Variants in SH2D3C observed in about 807,000 individuals in gnomAD.
The protein encoded by SH2D3C is SH2 domain containing 3C, also known as SH2 domain-containing protein 3C.
In SH2D3C, 25 loss-of-function variants were observed where a neutral mutation model predicts 75.2. The observed-to-expected ratio is 0.33, with a 90% confidence interval of 0.24 to 0.46. SH2D3C has a LOEUF of 0.46. Ranked by LOEUF, SH2D3C falls within the 20% of genes least tolerant of loss-of-function variation. The pLI is 1.00. For synonymous variants in SH2D3C, 450 were observed against 473.7 expected (o/e 0.95, Z 0.65); for missense variants, 933 against 1,165.3 (o/e 0.80, Z 2.90).
intron 3 of SH2D3C, among the ~76,000 whole-genome samples, chr9:127,752,879 G>A (rs1296170632): frequency 3.3e-5 from 5 of 152,146 alleles, no homozygotes; most frequent in Non-Finnish European, 5.9e-5. Context: ...ACTAGTCAGG[G>A]GGCAGAGTCA....
intron 9 of SH2D3C, among the ~76,000 whole-genome samples, 153 bp downstream of exon 9, chr9:127,741,635 G>A (rs1376379107): frequency 1.3e-5 from 2 of 151,900 alleles, no homozygotes; most frequent in Admixed American, 1.3e-4. Flanking sequence ...GCTGTGGGTC[G>A]GCACTTGCAG....
At chr9:127,762,280 C>T in intron 2 of SH2D3C, 9 of 1,257,674 alleles carry the variant, frequency 7.2e-6, no homozygotes, top group Non-Finnish European at 9.3e-6. Flanking sequence ...TCCTTCCTTC[C>T]TCCTGAGGGC....
intron 2 of SH2D3C, chr9:127,767,261 A>G: frequency 6.8e-7 from 1 of 1,460,526 alleles, no homozygotes; most frequent in Non-Finnish European, 9.0e-7. Flanking sequence ...CTGCCACCCA[A>G]GTCTCAAAAC....
In SH2D3C at chr9:127,751,785, G is replaced by C. The variant is rs1438813904; in HGVS notation, c.556-485C>G. Among the ~76,000 whole-genome samples the C allele has an allele frequency of 6.6e-6, 1 of 152,212 alleles. No homozygotes were observed. The highest frequency in any genetic ancestry group is 1.5e-5 in the Non-Finnish European group (1 of 68,026). On this transcript the variant is annotated intron_variant, in intron 3 of 11. Coordinates refer to ENST00000314830, the MANE Select transcript of SH2D3C (RefSeq NM_170600.3). The surrounding 1 kb of genome is among the most constrained non-coding windows in gnomAD (Gnocchi z 4.1). Reference sequence around the variant, plus strand: ...CCAAACTGTTCTTGAAGTGTTGGAGGGGGATTTCTACAGGTGAATCTTGGA... The same window carrying C: ...CCAAACTGTTCTTGAAGTGTTGGAGCGGGATTTCTACAGGTGAATCTTGGA...
At position 127,741,831 on chromosome 9, in the gene SH2D3C, A is replaced by G; in HGVS notation, c.2045T>C (p.Met682Thr). The G allele has an allele frequency of 2.5e-6, 4 of 1,613,368 alleles. No individual in the cohort carries two copies. Among genetic ancestry groups the G allele is most frequent in the Non-Finnish European group, 3.4e-6 (4 of 1,180,018 alleles). Residue 682 changes from methionine (M) to threonine (T), a missense_variant, in exon 9 of 12, where the codon ATG becomes ACG. Coordinates refer to ENST00000314830, the MANE Select transcript of SH2D3C (RefSeq NM_170600.3). ...AAELRGTMGN[M>T]FSFAAVMGAL... is the part of the protein sequence containing the mutation. ...ACCCATGACCGCCGCGAAGCTGAAC[A>G]TGTTGCCCATAGTCCCCCGCAGCTC... is the stretch of plus-strand genomic sequence containing the variant.
chr9:127,753,653 T>C (rs1409055333), intron 3 of SH2D3C, among the ~76,000 whole-genome samples: 1 of 148,884 alleles, frequency 6.7e-6, no homozygotes, highest in African/African-American at 2.4e-5. Context: ...CCCTGGTCTC[T>C]CTCCCTCTCA....
rs913620416 is a variant in SH2D3C, at chr9:127,749,982, C to G, written c.685-317G>C. Among the ~76,000 whole-genome samples, 4 of 152,056 alleles carry G rather than the reference C, an allele frequency of 2.6e-5. No homozygotes were observed. Among genetic ancestry groups the G allele is most frequent in the Non-Finnish European group, 4.4e-5 (3 of 68,008 alleles). On this transcript the variant is annotated intron_variant, in intron 4 of 11. Transcript: ENST00000314830. The surrounding 1 kb of genome is among the most constrained non-coding windows in gnomAD (Gnocchi z 5.9). ...TGGCTGTGACCTGAGACCCAGGTCT[C>G]AGACCCATCCCTTCTCAGGGTTCCG...
intron 3 of SH2D3C, among the ~76,000 whole-genome samples, chr9:127,756,620 T>C (rs899760289): frequency 6.6e-6 from 1 of 150,636 alleles, no homozygotes; most frequent in Admixed American, 6.6e-5. Flanking sequence ...CAAAGATGAG[T>C]ATCTCAAGGT....
intron 2 of SH2D3C, among the ~76,000 whole-genome samples, chr9:127,764,445 T>G (rs1564423032): frequency 6.6e-6 from 1 of 152,138 alleles, no homozygotes; most frequent in Non-Finnish European, 1.5e-5. Flanking sequence ...GCCACAGCAG[T>G]CCTGTTCAAA....
rs752313584 is a variant in SH2D3C, at chr9:127,740,329, C to T, written c.2129G>A (p.Arg710Gln). Residue 710 changes from arginine (R) to glutamine (Q), a missense_variant, in exon 10 of 12, where the codon CGA (arginine) becomes CAA (glutamine). Coordinates refer to ENST00000314830, the MANE Select transcript of SH2D3C (RefSeq NM_170600.3). ...GTACAGGATGGCACCCTCTGTGTGT[C>T]GCTGCCGCAGGGTCACCCATGTCTG... ...LEQTWVTLRQ[R>Q]HTEGAILYEK... The T allele has an allele frequency of 1.4e-5, 23 of 1,614,008 alleles. No individual in the cohort carries two copies. Among genetic ancestry groups the T allele is most frequent in the Non-Finnish European group, 1.6e-5 (19 of 1,180,030 alleles).
intron 7 of SH2D3C, among the ~76,000 whole-genome samples, chr9:127,743,846 G>A (rs183022239): frequency 3.1e-4 from 47 of 152,240 alleles, no homozygotes; most frequent in Middle Eastern, 3.4e-3. Flanking sequence ...TTTATGGGCC[G>A]AGGAGGTAAT....
chr9:127,748,785 T>G (rs1227970634), intron 5 of SH2D3C, among the ~76,000 whole-genome samples: 1 of 152,212 alleles, frequency 6.6e-6, no homozygotes. Flanking sequence ...GTGATTTGCA[T>G]GCTGTAAAGC....
At position 127,739,767 on chromosome 9, in the gene SH2D3C, C is replaced by T. The variant is rs1238378521; in HGVS notation, c.2322G>A (p.Glu774=). 1 of 1,606,964 alleles carries T rather than the reference C, an allele frequency of 6.2e-7. No homozygotes were observed. The highest frequency in any genetic ancestry group is 8.5e-7 in the Non-Finnish European group (1 of 1,177,822). ...EPWGSTEHGV[E]VVLAHLEAAR... ...CGGCCTCCAGGTGAGCCAGCACCAC[C>T]TCCACGCCGTGCTCCGTGCTGCCCC... Residue 774 remains glutamate, a synonymous_variant, in exon 11 of 12, where the codon GAG becomes GAA. Coordinates refer to ENST00000314830, the MANE Select transcript of SH2D3C (RefSeq NM_170600.3). The surrounding 1 kb of genome is among the most constrained non-coding windows in gnomAD (Gnocchi z 4.3).
chr9:127,742,070 T>C, intron 8 of SH2D3C, 111 bp from the exon 9 acceptor site: 1 of 1,060,494 alleles, frequency 9.4e-7, no homozygotes, highest in Non-Finnish European at 1.3e-6. Context: ...GGAGCCAACG[T>C]GAGAGGTTGT....
At chr9:127,752,789 G>C (rs1790982231) in intron 3 of SH2D3C, among the ~76,000 whole-genome samples, 1 of 152,174 alleles carries the variant, frequency 6.6e-6, no homozygotes. Context: ...CCTCTGCCCT[G>C]GGGGAGGCCT....
rs370394015 is a variant in SH2D3C at position 127,774,401 on chromosome 9, G to A, written c.104C>T (p.Ser35Phe). The A allele has an allele frequency of 4.3e-6, 7 of 1,613,648 alleles. No individual in the cohort carries two copies. The African/African-American group carries it at 9.3e-5, about 22-fold the overall frequency. ...GGACTGCCTACTGATGGAAGCTGAG[G>A]ATCGTCTCAGAGTGAAGGACCGAGG... ...NLPRSFTLRR[S>F]SASISRQSHL... is the part of the protein sequence containing the mutation. The change falls in exon 2 of 12, where the codon TCC becomes TTC. Residue 35 changes from serine to phenylalanine, a missense_variant. Physicochemically the swap from Ser to Phe is radical, Grantham distance 155. Coordinates refer to ENST00000314830, the MANE Select transcript of SH2D3C (RefSeq NM_170600.3). The surrounding 1 kb of genome is among the most constrained non-coding windows in gnomAD (Gnocchi z 4.3).
chr9:127,777,038 G>C (rs1262752522), intron 1 of SH2D3C, among the ~76,000 whole-genome samples: 1 of 152,222 alleles, frequency 6.6e-6, no homozygotes. Flanking sequence ...CTGAGGCCCA[G>C]AGTCCAGGGT....
chr9:127,769,873 A>G (rs1845701622), intron 2 of SH2D3C, among the ~76,000 whole-genome samples: 1 of 152,052 alleles, frequency 6.6e-6, no homozygotes, highest in Non-Finnish European at 1.5e-5. Flanking sequence ...GAGCAAGTAG[A>G]GGCTCCCACC....
chr9:127,766,730 C>T (rs962873770), intron 2 of SH2D3C, among the ~76,000 whole-genome samples: 2 of 152,102 alleles, frequency 1.3e-5, no homozygotes, highest in African/African-American at 4.8e-5. Context: ...CCACCACGCC[C>T]GGCTAGTTTT....
Sources: gnomAD v4.1 joint callset for allele counts (sites outside exome capture counted in the v4.1 genomes callset) on GRCh38, gnomAD v4.1.1 for gene constraint, Gnocchi (gnomAD v3.1) non-coding constraint, MANE v1.5 for transcripts, NCBI Gene and HGNC (gene_info 2026-07-23, HGNC 2026-07-21) for gene names.